Variants in PTPRN2 observed in about 807,000 individuals in gnomAD.
The protein encoded by PTPRN2 is protein tyrosine phosphatase receptor type N2.
Under a neutral mutation model 118.8 loss-of-function variants are expected in PTPRN2, and 74 were observed. The observed-to-expected ratio is 0.62, with a 90% CI of 0.52 to 0.76. The LOEUF is 0.76. PTPRN2 is among the 30% of genes least tolerant of loss of function. PTPRN2 has a pLI of 0.00. For missense variants in PTPRN2, 1,481 were observed against 1,394.4 expected (o/e 1.06, Z -0.99); for synonymous variants, 641 against 608.0 (o/e 1.05, Z -0.80).
chr7:157,820,229 A>G (rs1051628710), intron 12 of PTPRN2, among the ~76,000 whole-genome samples: 2 of 150,862 alleles, frequency 1.3e-5, no homozygotes, highest in Non-Finnish European at 2.9e-5. Flanking sequence ...TCACACACCA[A>G]CACATTCACA....
At position 158,407,232 on chromosome 7, in the gene PTPRN2, CTGGGT is replaced by C. The variant is rs1301984858; in HGVS notation, c.163+82498_163+82502del. Among the ~76,000 whole-genome samples the C allele has an allele frequency of 2.6e-4, 13 of 49,926 alleles. 1 individual carries two copies. Among genetic ancestry groups the C allele is most frequent in the African/African-American group, 6.8e-4 (9 of 13,280 alleles). The allele number at this position is 49,926 out of a possible 152,430, so 32.8% of individuals were successfully genotyped here. ...GGTCCTGCGTCCTGCGTCCTGGGTC[CTGGGT>C]CCTGGGTCCTGCGTCCTGGGTCCTG... On this transcript the variant is annotated intron_variant, in intron 2 of 22. Coordinates refer to ENST00000389418, the MANE Select transcript of PTPRN2 (RefSeq NM_002847.5).
intron 12 of PTPRN2, among the ~76,000 whole-genome samples, chr7:157,772,238 C>A: frequency 6.6e-6 from 1 of 151,780 alleles, no homozygotes; most frequent in Admixed American, 6.6e-5. Flanking sequence ...CACACACATA[C>A]ACACAGACAC....
chr7:157,749,750 G>C (rs1374272048), intron 12 of PTPRN2, among the ~76,000 whole-genome samples: 2 of 142,110 alleles, frequency 1.4e-5, no homozygotes, highest in Non-Finnish European at 3.0e-5. Context: ...TGAGGCCTGC[G>C]TCCCTGAGCT....
chr7:157,780,047 T>G lies in PTPRN2; in HGVS notation c.1789-97110A>C, dbSNP rs965361580. Among the ~76,000 whole-genome samples, 7 of 151,934 alleles carry G rather than the reference T, an allele frequency of 4.6e-5. No homozygotes were observed. Among genetic ancestry groups the G allele is most frequent in the Non-Finnish European group, 1.0e-4 (7 of 67,962 alleles). On this transcript the variant is annotated intron_variant, in intron 12 of 22. Transcript: ENST00000389418. The surrounding 1 kb of genome is among the most constrained non-coding windows in gnomAD (Gnocchi z 4.5). ...ACACTTATTGATGAACTGCTATGAG[T>G]TTTTGATGATGGCTTGGCTAGTTGA...
chr7:158,331,934 C>T (rs1165340334), intron 2 of PTPRN2, among the ~76,000 whole-genome samples: 3 of 150,950 alleles, frequency 2.0e-5, no homozygotes, highest in Non-Finnish European at 4.4e-5. Context: ...GCAGATGTCA[C>T]TCACACTCAC....
rs1801465015 is a variant in PTPRN2 at position 157,598,293 on chromosome 7, A to G, written c.2419-2978T>C. On this transcript the variant is annotated intron_variant, in intron 16 of 22. Transcript: ENST00000389418. This position sits in a 1 kb window ranked among gnomAD's most constrained non-coding sequence, Gnocchi z 5.2. ...TCATGACTTTCCATTTCATTGCAAC[A>G]TACTTTTTATTTGTATGACTGTTAT... Among the ~76,000 whole-genome samples, 1 of 152,116 alleles carries G rather than the reference A, an allele frequency of 6.6e-6. No individual in the cohort carries two copies. The highest frequency in any genetic ancestry group is 6.5e-5 in the Admixed American group (1 of 15,268).
At chr7:158,343,566 C>T (rs1343197349) in intron 2 of PTPRN2, among the ~76,000 whole-genome samples, 1 of 152,158 alleles carries the variant, frequency 6.6e-6, no homozygotes, top group Admixed American at 6.5e-5. Flanking sequence ...CCAATACCTG[C>T]AAGCAGGGCT....
chr7:158,263,962 C>T (rs755972844), intron 3 of PTPRN2, among the ~76,000 whole-genome samples: 8 of 152,160 alleles, frequency 5.3e-5, no homozygotes, highest in Admixed American at 2.6e-4. Flanking sequence ...GCCAGCTGAC[C>T]AACTTCATCT....
intron 11 of PTPRN2, among the ~76,000 whole-genome samples, chr7:157,976,565 C>A: frequency 6.6e-6 from 1 of 151,690 alleles, no homozygotes; most frequent in East Asian, 1.9e-4. Context: ...GTGCTGCCTC[C>A]TGGGATAGTC....
chr7:157,829,239 A>C (rs1000333074), intron 12 of PTPRN2, among the ~76,000 whole-genome samples: 1 of 152,244 alleles, frequency 6.6e-6, no homozygotes, highest in Non-Finnish European at 1.5e-5. Context: ...TAAAGTCAAA[A>C]ACAAAAAGGC....
chr7:157,934,951 C>T (rs1407322487), intron 11 of PTPRN2, among the ~76,000 whole-genome samples: 1 of 152,176 alleles, frequency 6.6e-6, no homozygotes, highest in Non-Finnish European at 1.5e-5. Flanking sequence ...TTGTTTTCTC[C>T]CTTGCAGAAC....
chr7:157,910,746 G>A (rs987618432), intron 11 of PTPRN2, among the ~76,000 whole-genome samples: 5 of 152,210 alleles, frequency 3.3e-5, no homozygotes, highest in African/African-American at 7.2e-5. Flanking sequence ...GCGCCCCTGC[G>A]ATCAGCCCAG....
chr7:158,016,316 G>C (rs1806452390), intron 11 of PTPRN2, among the ~76,000 whole-genome samples: 1 of 152,164 alleles, frequency 6.6e-6, no homozygotes, highest in Admixed American at 6.5e-5. Context: ...TTTAGACCCC[G>C]TCCTGTGCCC....
At chr7:158,327,050 C>T (rs1190570438) in intron 2 of PTPRN2, among the ~76,000 whole-genome samples, 6 of 152,032 alleles carry the variant, frequency 3.9e-5, no homozygotes, top group Non-Finnish European at 5.9e-5. Context: ...CACATGTACA[C>T]ATTCTCATCT....
In PTPRN2 at chr7:158,188,770, G is replaced by A. The variant is rs187214763; in HGVS notation, c.549+3557C>T. ...ATGGGGAAGGCCGCCACGCTCACCCGCTGTATGGGGAAGGCTGCTTCCAGA... is the reference window on the plus strand; with the variant it reads ...ATGGGGAAGGCCGCCACGCTCACCCACTGTATGGGGAAGGCTGCTTCCAGA... On this transcript the variant is annotated intron_variant, in intron 5 of 22. Transcript: ENST00000389418. Among the ~76,000 whole-genome samples the A allele has an allele frequency of 3.2e-3, 474 of 146,978 alleles. 10 individuals carry two copies. The highest frequency in any genetic ancestry group is 0.027 in the Admixed American group (406 of 14,842).
chr7:158,261,083 G>A (rs941459207), intron 3 of PTPRN2, among the ~76,000 whole-genome samples: 9 of 152,280 alleles, frequency 5.9e-5, no homozygotes, highest in Admixed American at 1.3e-4. Flanking sequence ...CAAGGGGGGC[G>A]TGAGGCTCCG....
intron 11 of PTPRN2, 58 bp from the exon 12 acceptor site, chr7:157,898,795 G>T: frequency 1.4e-6 from 2 of 1,415,276 alleles, no homozygotes; most frequent in East Asian, 2.3e-5. Flanking sequence ...CAGTCTCCGG[G>T]CACCTCTGAG....
At chr7:158,276,334 G>A (rs12698197) in intron 3 of PTPRN2, among the ~76,000 whole-genome samples, 214 of 7,568 alleles carry the variant, frequency 0.028, 41 homozygotes, top group South Asian at 0.075. Context: ...TATCACCCCC[G>A]CACCCCGGCC....
rs1322322522 is a variant in PTPRN2, at chr7:157,615,228, T to G, written c.2344+6134A>C. Among the ~76,000 whole-genome samples, 1 of 152,108 alleles carries G rather than the reference T, an allele frequency of 6.6e-6. No homozygotes were observed. The highest frequency in any genetic ancestry group is 1.5e-5 in the Non-Finnish European group (1 of 68,022). On this transcript the variant is annotated intron_variant, in intron 15 of 22. Coordinates refer to ENST00000389418, the MANE Select transcript of PTPRN2 (RefSeq NM_002847.5). This position sits in a 1 kb window ranked among gnomAD's most constrained non-coding sequence, Gnocchi z 4.3. The stretch of plus-strand genomic sequence containing the variant: ...ACTTGAGTGTTTAAAACTCTTGTAA[T>G]AAAAAGTGGGGGAGGAAGTCATGCT...
Sources: gnomAD v4.1 joint callset for allele counts (sites outside exome capture counted in the v4.1 genomes callset) on GRCh38, gnomAD v4.1.1 for gene constraint, Gnocchi (gnomAD v3.1) non-coding constraint, MANE v1.5 for transcripts, NCBI Gene and HGNC (gene_info 2026-07-23, HGNC 2026-07-21) for gene names.